Variants in CDH23 observed in about 807,000 individuals in gnomAD.
CDH23 encodes cadherin related 23.
Under a neutral mutation model 317.1 loss-of-function variants are expected in CDH23, and 189 were observed. The ratio of observed to expected loss-of-function variants is 0.60; its 90% confidence interval spans 0.53 to 0.67. The LOEUF (loss-of-function observed/expected upper bound fraction) is 0.67. Among genes scored for constraint, CDH23 ranks in the 30% least tolerant of loss-of-function variants. The probability of loss-of-function intolerance (pLI) is 0.00; values close to 1 mark genes in which losing one functional copy is unlikely to be tolerated. For synonymous variants in CDH23, 1,839 were observed against 1,876.8 expected (o/e 0.98, Z 0.52); for missense variants, 4,401 against 4,592.4 (o/e 0.96, Z 1.20).
intron 3 of CDH23, among the ~76,000 whole-genome samples, chr10:71,500,301 C>G (rs116706837): frequency 0.017 from 2,585 of 152,232 alleles, 57 homozygotes; most frequent in African/African-American, 0.054. Context: ...CCTGTGTGTA[C>G]TTCACTTATT....
rs995404824 is a variant in CDH23 at position 71,746,999 on chromosome 10, T to G, written c.4845+5078T>G. Reference sequence around the variant, plus strand: ...CTGCTATTGTGAACTCTGCTTCCCCTGGCTTGAGATCAGAAGGTCCCAGCC... The same window carrying G: ...CTGCTATTGTGAACTCTGCTTCCCCGGGCTTGAGATCAGAAGGTCCCAGCC... On this transcript the variant is annotated intron_variant, in intron 38 of 69. Coordinates refer to ENST00000224721, the MANE Select transcript of CDH23 (RefSeq NM_022124.6). 2.0e-5 allele frequency among the ~76,000 whole-genome samples: 3 copies of G among 152,218 alleles called. No homozygotes were observed. In the South Asian group the frequency reaches 6.2e-4, roughly 32 times the overall value.
chr10:71,510,180 C>G lies in CDH23; in HGVS notation c.244C>G (p.Pro82Ala), dbSNP rs773403230. 1.2e-6 allele frequency: 2 copies of G among 1,613,834 alleles called. No homozygotes were observed. The highest frequency in any genetic ancestry group is 2.2e-5 in the South Asian group (2 of 91,086). Reference protein sequence around the residue: ...EEASRFFAVEPDTGVVWLRQP... With the variant: ...EEASRFFAVEADTGVVWLRQP... Reference sequence around the variant, plus strand: ...GGCCTCTCGCTTCTTTGCAGTGGAGCCTGACACTGGCGTGGTGTGGCTCCG... The same window carrying G: ...GGCCTCTCGCTTCTTTGCAGTGGAGGCTGACACTGGCGTGGTGTGGCTCCG... Residue 82 changes from proline to alanine, a missense_variant, in exon 4 of 70, where the codon CCT (proline) becomes GCT (alanine). Around this residue, in one of 3 missense-constraint regions of CDH23, gnomAD observed 3,068 missense variants for 3,203.3 expected, o/e 0.96. Transcript: ENST00000224721.
intron 14 of CDH23, among the ~76,000 whole-genome samples, chr10:71,668,375 G>A (rs1454797596): frequency 1.3e-5 from 2 of 152,176 alleles, no homozygotes; most frequent in Non-Finnish European, 2.9e-5. Flanking sequence ...TCCCATGGCC[G>A]AGCTCTCAAG....
chr10:71,696,406 A>G (rs1865393430), intron 22 of CDH23, among the ~76,000 whole-genome samples: 2 of 152,058 alleles, frequency 1.3e-5, no homozygotes, highest in South Asian at 4.2e-4. Flanking sequence ...CTGTAATCTC[A>G]CAAGGCAGAG....
At chr10:71,515,915 G>A (rs570657843) in intron 6 of CDH23, among the ~76,000 whole-genome samples, 125 of 152,310 alleles carry the variant, frequency 8.2e-4, no homozygotes, top group African/African-American at 3.0e-3. Context: ...CTTTGTATGT[G>A]CACAGTGTAT....
Position 71,793,696 on chromosome 10 carries a change from G to A in CDH23, c.6712+56G>A, listed in dbSNP as rs151049030. The A allele has an allele frequency of 2.9e-5, 36 of 1,256,210 alleles. 1 individual carries two copies. The Middle Eastern group carries it at 7.0e-4, about 24-fold the overall frequency. The allele number at this position is 1,256,210 out of a possible 1,614,324, so 77.8% of individuals were successfully genotyped here. A position where few individuals can be genotyped will look rare whatever the true frequency, so the allele number is the denominator to read the frequency against. On this transcript the variant is annotated intron_variant, in intron 48 of 69. Coordinates refer to ENST00000224721, the MANE Select transcript of CDH23 (RefSeq NM_022124.6). ...TCCCAGCTCCCAGTCCTGTCTCCTC[G>A]CTCCCTGCTTCCCCCTTCTTTCTCC...
In CDH23 at chr10:71,755,301, G is replaced by A. The variant is rs1427157736; in HGVS notation, c.4845+13380G>A. On this transcript the variant is annotated intron_variant, in intron 38 of 69. Transcript: ENST00000224721. ...TTTGCGAATCCCAGGGGCTGAACTGGGGGCTGGAGCAGGTCACTCGCACCG... is the reference window on the plus strand; with the variant it reads ...TTTGCGAATCCCAGGGGCTGAACTGAGGGCTGGAGCAGGTCACTCGCACCG... 5 of 1,464,172 alleles carry A rather than the reference G, an allele frequency of 3.4e-6. No individual in the cohort carries two copies. In the South Asian group the frequency reaches 3.6e-5, roughly 11 times the overall value. 90.7% of individuals were successfully genotyped at this position (1,464,172 alleles called of 1,614,324 possible). A position where few individuals can be genotyped will look rare whatever the true frequency, so the allele number is the denominator to read the frequency against.
chr10:71,494,658 A>T (rs1852857509), intron 3 of CDH23, among the ~76,000 whole-genome samples: 1 of 152,224 alleles, frequency 6.6e-6, no homozygotes, highest in Non-Finnish European at 1.5e-5. Flanking sequence ...GCGGTGAAGC[A>T]AGCTGGCCCC....
intron 30 of CDH23, among the ~76,000 whole-genome samples, chr10:71,726,390 G>T (rs577552062): frequency 6.6e-6 from 1 of 152,298 alleles, no homozygotes; most frequent in South Asian, 2.1e-4. Flanking sequence ...AATGAGCGGT[G>T]GTCACCGGGT....
chr10:71,631,413 G>A (rs867602315), intron 11 of CDH23, among the ~76,000 whole-genome samples: 34 of 152,354 alleles, frequency 2.2e-4, no homozygotes, highest in Admixed American at 6.5e-4. Flanking sequence ...GGAAGGGGAA[G>A]AGGAGCAAGA....
At chr10:71,694,020 T>C in intron 20 of CDH23, 127 bp from the exon 21 acceptor site, 1 of 777,430 alleles carries the variant, frequency 1.3e-6, no homozygotes, top group Non-Finnish European at 2.2e-6. Context: ...CGCCAGATCA[T>C]GGTAGCTTGC....
At chr10:71,655,516 C>T (rs917125944) in intron 14 of CDH23, among the ~76,000 whole-genome samples, 4 of 152,172 alleles carry the variant, frequency 2.6e-5, no homozygotes, top group African/African-American at 9.7e-5. Context: ...TGTCACCTCT[C>T]GAGTTCCTCT....
chr10:71,753,945 T>C, intron 38 of CDH23: 1 of 449,814 alleles, frequency 2.2e-6, no homozygotes, highest in South Asian at 1.6e-5. Context: ...GGGGTGAGGG[T>C]TGTTGGTCCC....
chr10:71,584,260 G>A (rs1331589604), intron 9 of CDH23, among the ~76,000 whole-genome samples: 1 of 151,436 alleles, frequency 6.6e-6, no homozygotes, highest in East Asian at 1.9e-4. Context: ...GTGGCTCCTG[G>A]GGCAAGGGGT....
At chr10:71,635,915 C>T (rs1260694918) in intron 11 of CDH23, among the ~76,000 whole-genome samples, 1 of 152,006 alleles carries the variant, frequency 6.6e-6, no homozygotes, top group Non-Finnish European at 1.5e-5. Flanking sequence ...CACTGTGTCC[C>T]CACATGGCTG....
intron 8 of CDH23, among the ~76,000 whole-genome samples, chr10:71,572,244 A>ACAGCC (rs900229483): frequency 2.6e-5 from 4 of 152,204 alleles, no homozygotes; most frequent in Non-Finnish European, 5.9e-5. Context: ...TCTTCTCAGC[A>ACAGCC]CAGCCCAGCC....
chr10:71,728,606 C>T (rs1866918786), intron 30 of CDH23, among the ~76,000 whole-genome samples: 1 of 152,190 alleles, frequency 6.6e-6, no homozygotes, highest in African/African-American at 2.4e-5. Flanking sequence ...AGAGGCCCCT[C>T]CCTTAGTGCT....
chr10:71,713,040 C>T lies in CDH23; in HGVS notation c.3369+227C>T, dbSNP rs752077008. Reference sequence around the variant, plus strand: ...AGCTGAGGATAGGGCTCTGGCTCCCCACAAACAGGAGGAAGACTTGGCCTC... The same window carrying T: ...AGCTGAGGATAGGGCTCTGGCTCCCTACAAACAGGAGGAAGACTTGGCCTC... On this transcript the variant is annotated intron_variant, in intron 28 of 69. Coordinates refer to ENST00000224721, the MANE Select transcript of CDH23 (RefSeq NM_022124.6). 1.2e-5 allele frequency: 9 copies of T among 734,184 alleles called. No individual in the cohort carries two copies. In the African/African-American group the frequency reaches 1.4e-4, roughly 11 times the overall value. 45.5% of individuals were successfully genotyped at this position (734,184 alleles called of 1,614,324 possible).
intron 2 of CDH23, among the ~76,000 whole-genome samples, chr10:71,443,743 C>T (rs898131253): frequency 6.6e-6 from 1 of 152,242 alleles, no homozygotes; most frequent in African/African-American, 2.4e-5. Context: ...CCCTCCCCTT[C>T]TACATCCACT....
Sources: gnomAD v4.1 joint callset for allele counts (sites outside exome capture counted in the v4.1 genomes callset) on GRCh38, gnomAD v4.1.1 for gene constraint, gnomAD v4.1.1 regional missense constraint, MANE v1.5 for transcripts, NCBI Gene and HGNC (gene_info 2026-07-23, HGNC 2026-07-21) for gene names.